The following EXOSC10 variants were observed in gnomAD, a reference collection of about 807,000 sequenced individuals.
EXOSC10 encodes the protein exosome component 10, also known as exosome complex component 10.
A neutral mutation model predicts 126.6 loss-of-function variants in EXOSC10; 94 were observed. That is an observed-to-expected ratio of 0.74 (90% CI 0.63 to 0.88). The LOEUF is 0.88. Ranked by LOEUF, EXOSC10 falls within the 40% of genes least tolerant of loss-of-function variation. The pLI, the probability that EXOSC10 is intolerant of heterozygous loss-of-function variation, is 0.00. For synonymous variants in EXOSC10, 395 were observed against 400.8 expected, an observed-to-expected ratio of 0.99 and a Z score of 0.17; for missense variants, 1,041 against 1,100.5, an observed-to-expected ratio of 0.95 and a Z score of 0.77.
At chr1:11,092,054 T>C (rs145075913) in intron 3 of EXOSC10, among the ~76,000 whole-genome samples, 2 of 152,308 alleles carry the variant, frequency 1.3e-5, no homozygotes, top group East Asian at 1.9e-4. Flanking sequence ...TATACATATA[T>C]AAGAACAGAT....
chr1:11,079,983 T>G (rs1427294000), intron 13 of EXOSC10, among the ~76,000 whole-genome samples, 161 bp from the exon 14 acceptor site: 2 of 152,194 alleles, frequency 1.3e-5, no homozygotes, highest in African/African-American at 4.8e-5. Flanking sequence ...CTAGGCCAAC[T>G]TCTCCATGTG....
At chr1:11,071,319 C>G (rs181584903) in intron 20 of EXOSC10, 2 of 290,856 alleles carry the variant, frequency 6.9e-6, no homozygotes, top group Non-Finnish European at 1.3e-5. Flanking sequence ...TGGCTGCCAG[C>G]AACTCCAGCT....
rs374664549 is a variant in EXOSC10, at chr1:11,074,023, T to C, written c.2083-15A>G. On this transcript the variant is annotated splice_polypyrimidine_tract_variant and intron_variant, in intron 18 of 24. Transcript: ENST00000376936. ...GAGGGCAGAAACTGGAGGAAGGAAA[T>C]GGCTGTGTGAAACGCTGCCGGGAAC... The C allele has an allele frequency of 1.4e-5, 22 of 1,612,530 alleles. No individual in the cohort carries two copies. In the African/African-American group the frequency reaches 2.4e-4, roughly 18 times the overall value.
intron 13 of EXOSC10, among the ~76,000 whole-genome samples, chr1:11,080,092 A>G (rs1409045748): frequency 1.3e-5 from 2 of 152,222 alleles, no homozygotes; most frequent in Admixed American, 1.3e-4. Flanking sequence ...TGGATTCTCA[A>G]TTCCGCAGGG....
At chr1:11,085,662 A>G (rs1196592211) in intron 9 of EXOSC10, among the ~76,000 whole-genome samples, 1 of 152,090 alleles carries the variant, frequency 6.6e-6, no homozygotes, top group Non-Finnish European at 1.5e-5. Context: ...ACTATGTTGA[A>G]TAGGAGTGGT....
Position 11,069,555 on chromosome 1 carries a change from T to G in EXOSC10, c.2488+4A>C. The G allele has an allele frequency of 5.0e-6, 8 of 1,611,904 alleles. No homozygotes were observed. The highest frequency in any genetic ancestry group is 6.8e-6 in the Non-Finnish European group (8 of 1,179,496). ...CCCTGTATGGGGCCCCATTACTTCC[T>G]CACCAGCAAAAGCCTTGAAGTCTGA... On this transcript the variant is annotated splice_donor_region_variant and intron_variant, in intron 22 of 24. Coordinates refer to ENST00000376936, the MANE Select transcript of EXOSC10 (RefSeq NM_001001998.3).
chr1:11,096,144 T>A (rs1030933846), intron 2 of EXOSC10, among the ~76,000 whole-genome samples: 32 of 152,060 alleles, frequency 2.1e-4, no homozygotes, highest in African/African-American at 7.7e-4. Flanking sequence ...CCAACAGGTC[T>A]GGTTAATTTT....
rs140318347 is a variant in EXOSC10 at position 11,071,046 on chromosome 1, C to T, written c.2243-73G>A. ...CCCTCCCCTCCATCTCCATCCCCCT[C>T]CGACTTGGCCTAGCCACAGGGGTTG... On this transcript the variant is annotated intron_variant, in intron 20 of 24. Transcript: ENST00000376936. 8.0e-4 allele frequency: 1,127 copies of T among 1,413,636 alleles called. 7 individuals are homozygous for T. The African/African-American group carries it at 0.014, about 18-fold the overall frequency. The allele number at this position is 1,413,636 out of a possible 1,614,324, so 87.6% of individuals were successfully genotyped here.
Position 11,074,310 on chromosome 1 carries a change from T to A in EXOSC10, c.2003A>T (p.Asp668Val). ...AACTGTCAATGGACCCTTTTTACTG[T>A]CTTCAGCACTAGGTTCCTGCAGGGA... Reference protein sequence around the residue: ...ITLFNEPSAEDSKKGPLTVAQ... With the variant: ...ITLFNEPSAEVSKKGPLTVAQ... The change falls in exon 18 of 25, where the codon GAC (aspartate) becomes GTC (valine). Residue 668 changes from aspartate (D) to valine (V), a missense_variant. Physicochemically the swap from Asp to Val is radical, Grantham distance 152 (BLOSUM62 -3). Coordinates refer to ENST00000376936, the MANE Select transcript of EXOSC10 (RefSeq NM_001001998.3). 1 of 1,613,926 alleles carries A rather than the reference T, an allele frequency of 6.2e-7. No homozygotes were observed. The highest frequency in any genetic ancestry group is 2.2e-5 in the East Asian group (1 of 44,884).
intron 6 of EXOSC10, 124 bp from the exon 7 acceptor site, chr1:11,088,322 T>C (rs1452659382): frequency 3.2e-6 from 2 of 616,500 alleles, no homozygotes; most frequent in East Asian, 5.9e-5. Flanking sequence ...TATCTTCCCT[T>C]TACAAAGAGC....
In EXOSC10 at chr1:11,080,486, A is replaced by G; in HGVS notation, c.1637+13T>C. On this transcript the variant is annotated intron_variant, in intron 13 of 24. Coordinates refer to ENST00000376936, the MANE Select transcript of EXOSC10 (RefSeq NM_001001998.3). ...GAGAAAGTCAGAACATATTAATCAG[A>G]TTTGAAACTCACTTAGGCAGTTCTT... The G allele has an allele frequency of 6.2e-7, 1 of 1,613,168 alleles. No homozygotes were observed. The highest frequency in any genetic ancestry group is 8.5e-7 in the Non-Finnish European group (1 of 1,179,696).
rs139470790 is a variant in EXOSC10, at chr1:11,094,468, A to G, written c.372+1290T>C. ...CACCACAACACTCAGCTAATTTTTTATATTTTTAGTAGAGACAGTGTTTTA... is the reference window on the plus strand; with the variant it reads ...CACCACAACACTCAGCTAATTTTTTGTATTTTTAGTAGAGACAGTGTTTTA... On this transcript the variant is annotated intron_variant, in intron 3 of 24. Transcript: ENST00000376936. Among the ~76,000 whole-genome samples, 1,210 of 150,294 alleles carry G rather than the reference A, an allele frequency of 8.1e-3. 24 individuals are homozygous for G. The highest frequency in any genetic ancestry group is 0.028 in the African/African-American group (1,143 of 40,794).
At chr1:11,075,412 T>C (rs1484778271) in intron 17 of EXOSC10, among the ~76,000 whole-genome samples, 1 of 152,166 alleles carries the variant, frequency 6.6e-6, no homozygotes, top group East Asian at 1.9e-4. Context: ...TGCTATCCTT[T>C]TGCTTCATCT....
chr1:11,076,433 T>G (rs2100967554), intron 17 of EXOSC10, among the ~76,000 whole-genome samples: 1 of 152,262 alleles, frequency 6.6e-6, no homozygotes, highest in South Asian at 2.1e-4. Context: ...CAGCGCACAT[T>G]CTACAGTTCA....
chr1:11,099,425 A>T (rs1186036405), intron 1 of EXOSC10, among the ~76,000 whole-genome samples: 4 of 152,210 alleles, frequency 2.6e-5, no homozygotes, highest in African/African-American at 9.6e-5. Context: ...GGCGAGCGCG[A>T]CGTCGCAAGG....
chr1:11,072,434 G>A, intron 19 of EXOSC10: 1 of 371,206 alleles, frequency 2.7e-6, no homozygotes, highest in Non-Finnish European at 4.9e-6. Flanking sequence ...CTGGGAAAAA[G>A]GTACTGTCAT....
intron 23 of EXOSC10, chr1:11,068,383 G>A (rs550876874): frequency 1.7e-6 from 1 of 591,526 alleles, no homozygotes; most frequent in African/African-American, 1.9e-5. Context: ...GGCCCCAAAG[G>A]GGGTGCTTTT....
At chr1:11,091,317 G>C (rs1244725131) in intron 4 of EXOSC10, 138 bp from the exon 5 acceptor site, 2 of 989,246 alleles carry the variant, frequency 2.0e-6, no homozygotes. Flanking sequence ...TGCATGTAGA[G>C]GTCTCCAGAA....
chr1:11,069,824 T>A, intron 21 of EXOSC10, 94 bp from the exon 22 acceptor site: 1 of 1,334,632 alleles, frequency 7.5e-7, no homozygotes, highest in Non-Finnish European at 1.0e-6. Context: ...CCCAGCTGCC[T>A]AAGTGGTAAG....
Sources: gnomAD v4.1 joint callset for allele counts (sites outside exome capture counted in the v4.1 genomes callset) on GRCh38, gnomAD v4.1.1 for gene constraint, MANE v1.5 for transcripts, NCBI Gene and HGNC (gene_info 2026-07-23, HGNC 2026-07-21) for gene names.